GPR158: variants seen among roughly 807,000 people sequenced by gnomAD.
GPR158 encodes the protein G protein-coupled receptor 158, also known as metabotropic glycine receptor.
In GPR158, 30 loss-of-function variants were observed where a neutral mutation model predicts 78.2. The observed-to-expected ratio is 0.38, with a 90% CI of 0.29 to 0.52. GPR158 has a LOEUF of 0.52. Among genes scored for constraint, GPR158 ranks in the 20% least tolerant of loss-of-function variants. The pLI is 0.83. For missense variants in GPR158, 1,463 were observed against 1,523.5 expected, an observed-to-expected ratio of 0.96 and a Z score of 0.66; for synonymous variants, 581 against 591.1, an observed-to-expected ratio of 0.98 and a Z score of 0.25.
intron 4 of GPR158, among the ~76,000 whole-genome samples, chr10:25,418,279 A>G (rs1448552593): frequency 6.6e-6 from 1 of 152,220 alleles, no homozygotes; most frequent in African/African-American, 2.4e-5. Context: ...ACTCAATAGT[A>G]ATTAACTACT....
At chr10:25,314,255 T>G (rs1854812411) in intron 2 of GPR158, among the ~76,000 whole-genome samples, 1 of 151,982 alleles carries the variant, frequency 6.6e-6, no homozygotes, top group Non-Finnish European at 1.5e-5. Context: ...CGTGCACCAC[T>G]GTGCCCAGCT....
intron 4 of GPR158, among the ~76,000 whole-genome samples, chr10:25,454,936 C>T (rs1369594391): frequency 6.6e-6 from 1 of 152,066 alleles, no homozygotes; most frequent in Non-Finnish European, 1.5e-5. Context: ...CAGTCAGTCA[C>T]TCATTCATTT....
chr10:25,530,815 T>C (rs1836413352), intron 5 of GPR158, among the ~76,000 whole-genome samples: 2 of 152,224 alleles, frequency 1.3e-5, no homozygotes, highest in African/African-American at 2.4e-5. Context: ...AATTCTTTCT[T>C]CATCAGTACT....
intron 5 of GPR158, among the ~76,000 whole-genome samples, chr10:25,504,970 C>T (rs1835992133): frequency 1.3e-5 from 2 of 152,160 alleles, no homozygotes; most frequent in South Asian, 4.1e-4. Flanking sequence ...GCAGCACCTA[C>T]TAGCTGTGCA....
intron 2 of GPR158, among the ~76,000 whole-genome samples, chr10:25,266,794 TATG>T (rs1162829474): frequency 1.3e-5 from 2 of 152,194 alleles, no homozygotes; most frequent in Non-Finnish European, 2.9e-5. Flanking sequence ...AATATTTTTT[TATG>T]ATGAGTGTTA....
chr10:25,289,636 G>A (rs1588777582), intron 2 of GPR158, among the ~76,000 whole-genome samples: 3 of 152,020 alleles, frequency 2.0e-5, no homozygotes, highest in East Asian at 3.9e-4. Context: ...GTTTCACTGT[G>A]GTCTCAATCT....
At chr10:25,272,834 A>G (rs141155857) in intron 2 of GPR158, among the ~76,000 whole-genome samples, 6 of 152,326 alleles carry the variant, frequency 3.9e-5, no homozygotes, top group African/African-American at 1.4e-4. Context: ...GCAGCAAGAA[A>G]GGAAGGTTAT....
chr10:25,392,313 C>T (rs1834310143), intron 2 of GPR158, among the ~76,000 whole-genome samples: 1 of 152,168 alleles, frequency 6.6e-6, no homozygotes, highest in African/African-American at 2.4e-5. Flanking sequence ...GGACCCCACA[C>T]TCACTCACAC....
At chr10:25,491,894 A>C (rs1319250873) in intron 5 of GPR158, among the ~76,000 whole-genome samples, 5 of 152,166 alleles carry the variant, frequency 3.3e-5, no homozygotes, top group African/African-American at 1.2e-4. Context: ...TATATTTGTC[A>C]TTATAGTTAT....
At chr10:25,408,392 GGTT>G (rs1168021152) in intron 3 of GPR158, among the ~76,000 whole-genome samples, 1 of 152,078 alleles carries the variant, frequency 6.6e-6, no homozygotes, top group African/African-American at 2.4e-5. Flanking sequence ...CATTGTTTTT[GGTT>G]GTTTCTGATG....
chr10:25,283,705 G>A (rs1854307751), intron 2 of GPR158, among the ~76,000 whole-genome samples: 1 of 151,804 alleles, frequency 6.6e-6, no homozygotes, highest in South Asian at 2.1e-4. Context: ...AGATTACTGA[G>A]TGGAGACCGT....
At chr10:25,475,489 T>A (rs1835570371) in intron 5 of GPR158, 1 of 152,128 alleles carries the variant, frequency 6.6e-6, no homozygotes, top group African/African-American at 2.4e-5. Flanking sequence ...GGATGCAGCA[T>A]AAAATACCAG....
intron 6 of GPR158, among the ~76,000 whole-genome samples, chr10:25,556,320 A>G (rs947410566): frequency 8.5e-5 from 13 of 152,192 alleles, no homozygotes; most frequent in Admixed American, 8.5e-4. Context: ...CATGACCCCA[A>G]GGGTTTTAAC....
chr10:25,568,791 T>C (rs552571209), intron 6 of GPR158, among the ~76,000 whole-genome samples: 4 of 152,320 alleles, frequency 2.6e-5, no homozygotes, highest in African/African-American at 7.2e-5. Context: ...ATATGAAATT[T>C]TGGAAGTTTC....
chr10:25,188,029 C>G (rs1852712793), intron 1 of GPR158, among the ~76,000 whole-genome samples: 1 of 152,136 alleles, frequency 6.6e-6, no homozygotes, highest in Admixed American at 6.6e-5. Flanking sequence ...AACTCCCATT[C>G]ACAATTGCTT....
chr10:25,481,661 A>C (rs1410077899), intron 5 of GPR158, among the ~76,000 whole-genome samples: 1 of 152,214 alleles, frequency 6.6e-6, no homozygotes, highest in Non-Finnish European at 1.5e-5. Flanking sequence ...TTGCTGCATC[A>C]TATGGTAAAT....
intron 3 of GPR158, among the ~76,000 whole-genome samples, chr10:25,406,939 T>C (rs1441652075): frequency 6.6e-6 from 1 of 152,156 alleles, no homozygotes; most frequent in Non-Finnish European, 1.5e-5. Flanking sequence ...CAAAACAATG[T>C]AGGTAAGGAA....
At chr10:25,343,310 C>T (rs748659672) in intron 2 of GPR158, among the ~76,000 whole-genome samples, 3 of 152,004 alleles carry the variant, frequency 2.0e-5, no homozygotes, top group East Asian at 1.9e-4. Context: ...TGACTAAAAT[C>T]GGATAAGTTT....
chr10:25,313,198 T>C, intron 2 of GPR158, among the ~76,000 whole-genome samples: 1 of 139,406 alleles, frequency 7.2e-6, no homozygotes, highest in Admixed American at 8.2e-5. Flanking sequence ...ATGCTGTCTC[T>C]AAGACTAAGT....
Sources: gnomAD v4.1 joint callset for allele counts (sites outside exome capture counted in the v4.1 genomes callset) on GRCh38, gnomAD v4.1.1 for gene constraint, MANE v1.5 for transcripts, NCBI Gene and HGNC (gene_info 2026-07-23, HGNC 2026-07-21) for gene names.